The following RPTOR variants were observed in gnomAD, a reference collection of about 807,000 sequenced individuals.
The protein encoded by RPTOR is regulatory-associated protein of mTOR.
RPTOR carries 21 observed loss-of-function variants against 169.9 expected under a neutral mutation model. That is an observed-to-expected ratio of 0.12 (90% confidence interval 0.09 to 0.18). The LOEUF (loss-of-function observed/expected upper bound fraction) is 0.18, where lower values mean the gene tolerates loss of function less well. Among genes scored for constraint, RPTOR ranks in the 10% least tolerant of loss-of-function variants. RPTOR has a pLI of 1.00. For missense variants in RPTOR, 1,133 were observed against 1,855.9 expected, an observed-to-expected ratio of 0.61 and a Z score of 7.16; for synonymous variants, 732 against 753.2, an observed-to-expected ratio of 0.97 and a Z score of 0.46.
In RPTOR at chr17:80,730,510, C is replaced by T. The variant is rs753014451; in HGVS notation, c.508-50C>T. The T allele has an allele frequency of 6.3e-6, 10 of 1,598,916 alleles. No homozygotes were observed. The highest frequency in any genetic ancestry group is 8.6e-6 in the Non-Finnish European group (10 of 1,167,578). On this transcript the variant is annotated intron_variant, in intron 4 of 33. Transcript: ENST00000306801. The surrounding 1 kb of genome is among the most constrained non-coding windows in gnomAD (Gnocchi z 4.2). Reference sequence around the variant, plus strand: ...TAACGGTGCAGTACTCACCAGCAGCCCATATTCCTGAGACGCACATGTAAC... The same window carrying T: ...TAACGGTGCAGTACTCACCAGCAGCTCATATTCCTGAGACGCACATGTAAC...
intron 24 of RPTOR, among the ~76,000 whole-genome samples, chr17:80,940,138 T>C (rs1283608970): frequency 6.6e-6 from 1 of 152,156 alleles, no homozygotes; most frequent in Non-Finnish European, 1.5e-5. Context: ...CAACCCTCCA[T>C]GTCCACAGGT....
At chr17:80,848,128 C>T (rs912567200) in intron 11 of RPTOR, among the ~76,000 whole-genome samples, 22 of 152,200 alleles carry the variant, frequency 1.4e-4, no homozygotes, top group Non-Finnish European at 2.5e-4. Flanking sequence ...CTGTCCTCGC[C>T]GGCATTGTCT....
chr17:80,732,563 A>T (rs553590256), intron 5 of RPTOR, among the ~76,000 whole-genome samples: 1 of 152,314 alleles, frequency 6.6e-6, no homozygotes, highest in Non-Finnish European at 1.5e-5. Context: ...AAATATGTTA[A>T]CTGAGTTGGC....
At chr17:80,838,626 A>G (rs2067592383) in intron 10 of RPTOR, among the ~76,000 whole-genome samples, 1 of 152,252 alleles carries the variant, frequency 6.6e-6, no homozygotes, top group African/African-American at 2.4e-5. Context: ...GTGAGGAAAG[A>G]GGAGCCTCTC....
chr17:80,945,758 C>T lies in RPTOR; in HGVS notation c.3117C>T (p.Ala1039=), dbSNP rs1567962. Reference sequence around the variant, plus strand: ...TCCACCCCTTCACGCCGTGCATCGCCGTAGCCGACAAGGACAGCATCTGGT... The same window carrying T: ...TCCACCCCTTCACGCCGTGCATCGCTGTAGCCGACAAGGACAGCATCTGGT... ...VKFHPFTPCI[A]VADKDSICFW... is the part of the protein sequence containing the mutation. The change falls in exon 26 of 34, where the codon GCC becomes GCT. Residue 1039 remains alanine, a synonymous_variant. Coordinates refer to ENST00000306801, the MANE Select transcript of RPTOR (RefSeq NM_020761.3). The T allele has an allele frequency of 0.36, 578,208 of 1,605,754 alleles. 105,362 individuals are homozygous for T. Among genetic ancestry groups the T allele is most frequent in the East Asian group, 0.48 (21,084 of 43,992 alleles).
chr17:80,669,306 G>A (rs1169396359), intron 3 of RPTOR, among the ~76,000 whole-genome samples: 2 of 152,252 alleles, frequency 1.3e-5, no homozygotes, highest in Non-Finnish European at 2.9e-5. Context: ...AACACCCGGA[G>A]TGCTGCCCTT....
chr17:80,812,816 C>G (rs1283306303), intron 7 of RPTOR, among the ~76,000 whole-genome samples: 1 of 152,274 alleles, frequency 6.6e-6, no homozygotes, highest in African/African-American at 2.4e-5. Flanking sequence ...GTGCTGTTCT[C>G]AAAACCCTAA....
At chr17:80,810,292 CTT>C (rs1365016177) in intron 7 of RPTOR, among the ~76,000 whole-genome samples, 1 of 152,058 alleles carries the variant, frequency 6.6e-6, no homozygotes, top group African/African-American at 2.4e-5. Context: ...CTATGATTAA[CTT>C]TTAAGTCTGC....
At chr17:80,728,446 G>GTGTGTGTGTGTGTGTGTGTGTGTGTGTGT (rs2066359075) in intron 4 of RPTOR, among the ~76,000 whole-genome samples, 2 of 148,176 alleles carry the variant, frequency 1.3e-5, no homozygotes, top group African/African-American at 5.0e-5. Context: ...TCCACTCTGG[G>GTGTGTGTGTGTGTGTGTGTGTGTGTGTGT]GTGTGTGTGT....
At chr17:80,830,322 C>G (rs1399245004) in intron 9 of RPTOR, among the ~76,000 whole-genome samples, 1 of 152,214 alleles carries the variant, frequency 6.6e-6, no homozygotes, top group Non-Finnish European at 1.5e-5. Flanking sequence ...CAGCTCCACC[C>G]AGTTCTCTCA....
intron 20 of RPTOR, among the ~76,000 whole-genome samples, chr17:80,903,920 C>T (rs1041163725): frequency 6.6e-5 from 10 of 152,244 alleles, no homozygotes; most frequent in African/African-American, 2.2e-4. Context: ...ACTGGAGTTA[C>T]TCTTGTCAGA....
chr17:80,660,270 CA>C (rs35167825), intron 3 of RPTOR, among the ~76,000 whole-genome samples: 25,904 of 102,918 alleles, frequency 0.25, 2,034 homozygotes, highest in Middle Eastern at 0.33. Context: ...GACTGTGTCT[CA>C]AAAAAAAAAA....
intron 6 of RPTOR, among the ~76,000 whole-genome samples, chr17:80,780,338 G>A (rs1229868086): frequency 6.6e-6 from 1 of 152,096 alleles, no homozygotes; most frequent in Non-Finnish European, 1.5e-5. Flanking sequence ...TAGGAGGGAG[G>A]GGTCCAGCGA....
chr17:80,673,617 G>A (rs2065838871), intron 3 of RPTOR, among the ~76,000 whole-genome samples: 1 of 152,194 alleles, frequency 6.6e-6, no homozygotes, highest in South Asian at 2.1e-4. Context: ...TGCTTTGATG[G>A]AGCCACTTCT....
chr17:80,774,058 T>C (rs1228658130), intron 6 of RPTOR: 13 of 985,314 alleles, frequency 1.3e-5, no homozygotes, highest in Non-Finnish European at 1.6e-5. Context: ...ATTTCTTCGT[T>C]GAAAGAAGCA....
rs2143217960 is a variant in RPTOR at position 80,733,817 on chromosome 17, C to T, written c.654+3111C>T. ...GCCTTCTTGCGTTCCCTCTTATTCA[C>T]TCTATTGGGTTTCTTTATACTTTGT... On this transcript the variant is annotated intron_variant, in intron 5 of 33. Transcript: ENST00000306801. 3.3e-5 allele frequency among the ~76,000 whole-genome samples: 5 copies of T among 152,358 alleles called. 1 individual carries two copies. In the South Asian group the frequency reaches 1.0e-3, roughly 32 times the overall value.
intron 10 of RPTOR, among the ~76,000 whole-genome samples, chr17:80,841,300 G>GCTCACACTCACCA (rs2067650694): frequency 2.0e-5 from 1 of 50,486 alleles, no homozygotes; most frequent in African/African-American, 8.8e-5. Context: ...CACTCTCACA[G>GCTCACACTCACCA]CACGGCAGCT....
intron 4 of RPTOR, among the ~76,000 whole-genome samples, chr17:80,719,107 T>C (rs951366394): frequency 6.6e-6 from 1 of 151,690 alleles, no homozygotes; most frequent in Non-Finnish European, 1.5e-5. Context: ...GGTCCATGAG[T>C]ATGGGGTCGT....
intron 4 of RPTOR, among the ~76,000 whole-genome samples, chr17:80,715,860 C>T (rs112826024): frequency 6.6e-6 from 1 of 152,116 alleles, no homozygotes; most frequent in African/African-American, 2.4e-5. Context: ...AAATAATAGT[C>T]TCCAGTCTCA....
Sources: allele counts gnomAD v4.1 joint callset (sites outside exome capture counted in the v4.1 genomes callset), GRCh38; gene constraint gnomAD v4.1.1; non-coding constraint Gnocchi (gnomAD v3.1); transcripts MANE v1.5; gene names NCBI Gene and HGNC (gene_info 2026-07-23, HGNC 2026-07-21).